LSM8: variants seen among roughly 807,000 people sequenced by gnomAD.
The protein encoded by LSM8 is LSM8 U6 small nuclear RNA associated.
LSM8 carries 14 observed loss-of-function variants against 15.0 expected under a neutral mutation model. The observed-to-expected ratio is 0.93, with a 90% CI of 0.62 to 1.46. LSM8 has a LOEUF of 1.46. LSM8 is among the 40% of genes most tolerant of loss of function. The probability of loss-of-function intolerance (pLI) is 0.00; values close to 1 mark genes in which losing one functional copy is unlikely to be tolerated. For missense variants in LSM8, 90 were observed against 115.4 expected (o/e 0.78, Z 1.01); for synonymous variants, 50 against 42.1 (o/e 1.19, Z -0.73).
rs1491112305 is a variant in LSM8 at position 118,198,955 on chromosome 7, CAT to C, written c.*6955_*6956del. Among the ~76,000 whole-genome samples the C allele has an allele frequency of 6.6e-6, 1 of 152,140 alleles. No homozygotes were observed. Among genetic ancestry groups the C allele is most frequent in the Non-Finnish European group, 1.5e-5 (1 of 68,022 alleles). ...CTGAATATTTATGTGACTGAACCCT[CAT>C]AAAAACCCTGAACACCAAGGCTCAA... On this transcript the variant is annotated 3_prime_UTR_variant, in exon 4 of 4. Transcript: ENST00000249299.
chr7:118,188,541 CCTTTT>C (rs1474453826), intron 3 of LSM8, 136 bp downstream of exon 3: 1 of 768,978 alleles, frequency 1.3e-6, no homozygotes. Flanking sequence ...CGTAAATATA[CCTTTT>C]CTTATGTTTG....
At chr7:118,184,483 G>A (rs1204186795) in intron 1 of LSM8, 1 of 444,706 alleles carries the variant, frequency 2.2e-6, no homozygotes, top group Non-Finnish European at 3.9e-6. Context: ...AAAACCCAGT[G>A]TGATTATTCC....
intron 3 of LSM8, chr7:118,189,117 A>T (rs1477907680): frequency 1.3e-5 from 2 of 152,304 alleles, no homozygotes; most frequent in Non-Finnish European, 2.9e-5. Context: ...AAAATTAGCC[A>T]GGCTTGGTGG....
In LSM8 at chr7:118,192,193, G is replaced by C; in HGVS notation, c.*191G>C. The C allele has an allele frequency of 2.6e-6, 1 of 383,210 alleles. No homozygotes were observed. The highest frequency in any genetic ancestry group is 4.6e-6 in the Non-Finnish European group (1 of 218,946). The allele number at this position is 383,210 out of a possible 1,614,324, so 23.7% of individuals were successfully genotyped here. On this transcript the variant is annotated 3_prime_UTR_variant, in exon 4 of 4. Coordinates refer to ENST00000249299, the MANE Select transcript of LSM8 (RefSeq NM_016200.5). ...TTTTTTTTGCCTAAATATAAGTTTG[G>C]TAGCTTGGTTTCTTTTTTTTATTAA...
rs1162180409 is a variant in LSM8 at position 118,195,374 on chromosome 7, G to A, written c.*3372G>A. ...CATTAGACTGCATTTTAAACATTTG[G>A]TATGATTTTGAGGACATAACCGTAA... On this transcript the variant is annotated 3_prime_UTR_variant, in exon 4 of 4. Transcript: ENST00000249299. Among the ~76,000 whole-genome samples the A allele has an allele frequency of 1.3e-5, 2 of 152,120 alleles. No individual in the cohort carries two copies. The highest frequency in any genetic ancestry group is 1.5e-5 in the Non-Finnish European group (1 of 67,998).
At position 118,185,686 on chromosome 7, in the gene LSM8, A is replaced by G; in HGVS notation, c.64A>G (p.Met22Val). Residue 22 changes from methionine (M) to valine (V), a missense_variant, in exon 2 of 4, where the codon ATG becomes GTG. By Grantham distance (21) the Met-to-Val change is conservative (BLOSUM62 1). Transcript: ENST00000249299. Reference sequence around the variant, plus strand: ...TGCCGTTATTACATCAGATGGGAGAATGATTGTGGTAAGTCTTTGGAATTT... The same window carrying G: ...TGCCGTTATTACATCAGATGGGAGAGTGATTGTGGTAAGTCTTTGGAATTT... ...TVAVITSDGRMIVGTLKGFDQ... is the reference protein window; with the variant it reads ...TVAVITSDGRVIVGTLKGFDQ... 1 of 1,611,076 alleles carries G rather than the reference A, an allele frequency of 6.2e-7. No individual in the cohort carries two copies. The highest frequency in any genetic ancestry group is 1.1e-5 in the South Asian group (1 of 90,728).
chr7:118,184,410 C>T (rs62466464), intron 1 of LSM8, 156 bp downstream of exon 1: 55,737 of 861,732 alleles, frequency 0.065, 1,998 homozygotes, highest in East Asian at 0.12. Context: ...CCGGCGGCGC[C>T]TCGAGCCTTC....
In LSM8 at chr7:118,199,923, C is replaced by A. The variant is rs1809144066; in HGVS notation, c.*7921C>A. On this transcript the variant is annotated 3_prime_UTR_variant, in exon 4 of 4. Transcript: ENST00000249299. ...ATAAATGTGTTATTGTCAATGTAGG[C>A]ATTTTGCTCATAGCTTAGGGCAAGT... 6.6e-6 allele frequency among the ~76,000 whole-genome samples: 1 copy of A among 151,998 alleles called. No homozygotes were observed. The highest frequency in any genetic ancestry group is 1.5e-5 in the Non-Finnish European group (1 of 67,984).
At position 118,197,491 on chromosome 7, in the gene LSM8, T is replaced by A. The variant is rs578011149; in HGVS notation, c.*5489T>A. On this transcript the variant is annotated 3_prime_UTR_variant, in exon 4 of 4. Coordinates refer to ENST00000249299, the MANE Select transcript of LSM8 (RefSeq NM_016200.5). ...ATAAATCATACTCTAGAAAACTCAT[T>A]AACTGATACAAGTTGCCAGAAAATG... Among the ~76,000 whole-genome samples, 48 of 152,314 alleles carry A rather than the reference T, an allele frequency of 3.2e-4. No homozygotes were observed. Among genetic ancestry groups the A allele is most frequent in the African/African-American group, 1.1e-3 (44 of 41,578 alleles).
At chr7:118,187,860 G>A (rs1442944498) in intron 2 of LSM8, among the ~76,000 whole-genome samples, 2 of 152,186 alleles carry the variant, frequency 1.3e-5, no homozygotes, top group African/African-American at 4.8e-5. Flanking sequence ...ATAGCATATA[G>A]TGATACTATT....
intron 3 of LSM8, 147 bp downstream of exon 3, chr7:118,188,552 G>A (rs911552527): frequency 8.4e-6 from 6 of 714,974 alleles, no homozygotes; most frequent in Non-Finnish European, 1.3e-5. Flanking sequence ...CTTTTCTTAT[G>A]TTTGTGTAAA....
In LSM8 at chr7:118,195,869, AC is replaced by A. The variant is rs1251506099; in HGVS notation, c.*3870del. 1.3e-5 allele frequency among the ~76,000 whole-genome samples: 2 copies of A among 152,184 alleles called. No homozygotes were observed. The highest frequency in any genetic ancestry group is 4.8e-5 in the African/African-American group (2 of 41,448). ...TAAAGCTATCTCCATTTAGATTGATACCCATTAAATAGCATAGTGCTCCCAT... is the reference window on the plus strand; with the variant it reads ...TAAAGCTATCTCCATTTAGATTGATACCATTAAATAGCATAGTGCTCCCAT... On this transcript the variant is annotated 3_prime_UTR_variant, in exon 4 of 4. Coordinates refer to ENST00000249299, the MANE Select transcript of LSM8 (RefSeq NM_016200.5).
chr7:118,199,129 G>A lies in LSM8; in HGVS notation c.*7127G>A, dbSNP rs1809128422. ...ACCCTGCACACCTTTTCCATTTACT[G>A]ATTTTAATCTATATCCTCTCACTAT... On this transcript the variant is annotated 3_prime_UTR_variant, in exon 4 of 4. Coordinates refer to ENST00000249299, the MANE Select transcript of LSM8 (RefSeq NM_016200.5). Among the ~76,000 whole-genome samples, 1 of 152,146 alleles carries A rather than the reference G, an allele frequency of 6.6e-6. No individual in the cohort carries two copies. Among genetic ancestry groups the A allele is most frequent in the Non-Finnish European group, 1.5e-5 (1 of 68,026 alleles).
intron 3 of LSM8, chr7:118,188,787 T>G (rs1808928214): frequency 6.4e-6 from 1 of 155,284 alleles, no homozygotes; most frequent in Non-Finnish European, 1.4e-5. Context: ...ATTTCTAGAG[T>G]CCAAGGCCAA....
At chr7:118,189,397 A>G (rs927299878) in intron 3 of LSM8, 3 of 152,148 alleles carry the variant, frequency 2.0e-5, no homozygotes, top group African/African-American at 7.2e-5. Context: ...TACTAAAAAT[A>G]TAAAAATTAG....
Position 118,200,873 on chromosome 7 carries a change from G to A in LSM8, c.*8871G>A, listed in dbSNP as rs2115944338. The stretch of plus-strand genomic sequence containing the variant: ...CTACTTGTTTCTTGTAAAAAAGGAG[G>A]TTTCTAAATCTTGACTGTTGATTGA... On this transcript the variant is annotated 3_prime_UTR_variant, in exon 4 of 4. Transcript: ENST00000249299. Among the ~76,000 whole-genome samples, 1 of 152,084 alleles carries A rather than the reference G, an allele frequency of 6.6e-6. No individual in the cohort carries two copies. Among genetic ancestry groups the A allele is most frequent in the African/African-American group, 2.4e-5 (1 of 41,518 alleles).
In LSM8 at chr7:118,185,645, A is replaced by G. The variant is rs1186143222; in HGVS notation, c.32-9A>G. On this transcript the variant is annotated splice_polypyrimidine_tract_variant and intron_variant, in intron 1 of 3. Coordinates refer to ENST00000249299, the MANE Select transcript of LSM8 (RefSeq NM_016200.5). Reference sequence around the variant, plus strand: ...CCCTAAGAAACACTTTCTTTGATTCAGTTATCAGGAACTGTTGCCGTTATT... The same window carrying G: ...CCCTAAGAAACACTTTCTTTGATTCGGTTATCAGGAACTGTTGCCGTTATT... 1 of 1,606,038 alleles carries G rather than the reference A, an allele frequency of 6.2e-7. No homozygotes were observed. The highest frequency in any genetic ancestry group is 8.5e-7 in the Non-Finnish European group (1 of 1,173,218).
Position 118,197,133 on chromosome 7 carries a change from G to A in LSM8, c.*5131G>A, listed in dbSNP as rs957681002. 1.3e-5 allele frequency among the ~76,000 whole-genome samples: 2 copies of A among 151,482 alleles called. No homozygotes were observed. The highest frequency in any genetic ancestry group is 2.4e-5 in the African/African-American group (1 of 41,212). On this transcript the variant is annotated 3_prime_UTR_variant, in exon 4 of 4. Coordinates refer to ENST00000249299, the MANE Select transcript of LSM8 (RefSeq NM_016200.5). ...CAATGTCCCTACAAGGATATGATAC[G>A]CTTTCTCTCTTCTCTTTAGGGTAAT...
chr7:118,199,775 A>G lies in LSM8; in HGVS notation c.*7773A>G, dbSNP rs1809141311. On this transcript the variant is annotated 3_prime_UTR_variant, in exon 4 of 4. Coordinates refer to ENST00000249299, the MANE Select transcript of LSM8 (RefSeq NM_016200.5). ...TGTAGGGTAAGGCCACCTCCCCAGCAAGTAAATACTGACATGGTGAAGATA... is the reference window on the plus strand; with the variant it reads ...TGTAGGGTAAGGCCACCTCCCCAGCGAGTAAATACTGACATGGTGAAGATA... 6.6e-6 allele frequency among the ~76,000 whole-genome samples: 1 copy of G among 152,146 alleles called. No homozygotes were observed. Among genetic ancestry groups the G allele is most frequent in the African/African-American group, 2.4e-5 (1 of 41,452 alleles).
Sources: allele counts gnomAD v4.1 joint callset (sites outside exome capture counted in the v4.1 genomes callset), GRCh38; gene constraint gnomAD v4.1.1; transcripts MANE v1.5; gene names NCBI Gene and HGNC (gene_info 2026-07-23, HGNC 2026-07-21).